PCSK5: variants seen among roughly 807,000 people sequenced by gnomAD.
PCSK5 encodes prohormone convertase 5.
PCSK5 carries 129 observed loss-of-function variants against 233.2 expected under a neutral mutation model. That is an observed-to-expected ratio of 0.55 (90% CI 0.48 to 0.64). The LOEUF (loss-of-function observed/expected upper bound fraction) is 0.64. PCSK5 is among the 30% of genes least tolerant of loss of function. The pLI is 0.00. For missense variants in PCSK5, 2,076 were observed against 2,430.1 expected (o/e 0.85, Z 3.06); for synonymous variants, 825 against 879.2 (o/e 0.94, Z 1.09).
chr9:76,331,646 G>A (rs989637554), intron 33 of PCSK5, among the ~76,000 whole-genome samples: 3 of 145,206 alleles, frequency 2.1e-5, no homozygotes, highest in Non-Finnish European at 3.0e-5. Context: ...CAGCCTGGGC[G>A]ACAGAGTGAG....
At chr9:76,325,643 T>C (rs1048163428) in intron 32 of PCSK5, among the ~76,000 whole-genome samples, 3 of 151,368 alleles carry the variant, frequency 2.0e-5, no homozygotes, top group Admixed American at 6.6e-5. Context: ...CATTGCACTT[T>C]CTTTTTTTTG....
intron 24 of PCSK5, among the ~76,000 whole-genome samples, chr9:76,273,665 C>T (rs2131376674): frequency 6.7e-6 from 1 of 149,526 alleles, no homozygotes; most frequent in South Asian, 2.1e-4. Context: ...GACAGTATAT[C>T]TCTGTCACCC....
intron 9 of PCSK5, among the ~76,000 whole-genome samples, chr9:76,126,773 G>A (rs1360551311): frequency 1.3e-5 from 2 of 152,162 alleles, no homozygotes; most frequent in African/African-American, 4.8e-5. Context: ...GATGGACAAT[G>A]GAGGATGAGA....
At chr9:76,262,665 A>G (rs1827215020) in intron 24 of PCSK5, among the ~76,000 whole-genome samples, 1 of 151,758 alleles carries the variant, frequency 6.6e-6, no homozygotes, top group Non-Finnish European at 1.5e-5. Context: ...ACCTAAAACC[A>G]CAAAAACCCT....
chr9:75,896,368 C>T (rs533749674), intron 1 of PCSK5, among the ~76,000 whole-genome samples: 2 of 152,298 alleles, frequency 1.3e-5, no homozygotes, highest in South Asian at 4.1e-4. Flanking sequence ...CACTGTCTTT[C>T]ATGGGCTTAC....
At chr9:76,330,683 T>C (rs1455365438) in intron 33 of PCSK5, among the ~76,000 whole-genome samples, 1 of 152,148 alleles carries the variant, frequency 6.6e-6, no homozygotes, top group East Asian at 1.9e-4. Flanking sequence ...CTCTTCATAT[T>C]GAGCGAGGAC....
intron 2 of PCSK5, among the ~76,000 whole-genome samples, chr9:75,969,643 A>G (rs867254910): frequency 7.2e-5 from 11 of 152,238 alleles, no homozygotes; most frequent in Middle Eastern, 6.8e-3. Flanking sequence ...AAAAGAAGCA[A>G]GCTTGTTGGT....
chr9:76,164,809 A>C (rs1458777610), intron 12 of PCSK5, among the ~76,000 whole-genome samples: 1 of 152,220 alleles, frequency 6.6e-6, no homozygotes, highest in Non-Finnish European at 1.5e-5. Context: ...CAGATATTTC[A>C]ATAAAAGCCA....
chr9:76,239,113 C>G lies in PCSK5; in HGVS notation c.3021C>G (p.Gly1007=). 1 of 1,603,516 alleles carries G rather than the reference C, an allele frequency of 6.2e-7. No individual in the cohort carries two copies. Among genetic ancestry groups the G allele is most frequent in the Non-Finnish European group, 8.5e-7 (1 of 1,175,482 alleles). Residue 1007 remains glycine, a synonymous_variant, in exon 23 of 38, where the codon GGC becomes GGG. Transcript: ENST00000674117. ...ATGTCTGCACAAGATGCATGAAGGG[C>G]TACTTCATAGCGCCCACCAACCACA... is the stretch of plus-strand genomic sequence containing the variant. The part of the protein sequence containing the change: ...SVHVCTRCMK[G]YFIAPTNHTC...
chr9:76,064,001 C>CG lies in PCSK5; in HGVS notation c.633-3948dup, dbSNP rs775432321. 2.1e-3 allele frequency among the ~76,000 whole-genome samples: 169 copies of CG among 78,866 alleles called. 1 individual carries two copies. The highest frequency in any genetic ancestry group is 3.0e-3 in the Non-Finnish European group (125 of 41,806). The allele number at this position is 78,866 out of a possible 152,430, so 51.7% of individuals were successfully genotyped here. A position where few individuals can be genotyped will look rare whatever the true frequency, so the allele number is the denominator to read the frequency against. ...CTCCCGGACAGGGCGGCTGGCCGGG[C>CG]GGGGGGCTGACCCCCCCACCTCCCT... On this transcript the variant is annotated intron_variant, in intron 5 of 37. Transcript: ENST00000674117.
Position 76,214,310 on chromosome 9 carries a change from GCACA to G in PCSK5, c.2627-13182_2627-13179del, listed in dbSNP as rs1025904495. Among the ~76,000 whole-genome samples the G allele has an allele frequency of 2.0e-5, 3 of 150,972 alleles. No homozygotes were observed. The East Asian group carries it at 5.8e-4, about 29-fold the overall frequency. On this transcript the variant is annotated intron_variant, in intron 20 of 37. Coordinates refer to ENST00000674117, the MANE Select transcript of PCSK5 (RefSeq NM_001372043.1). ...CACATTCACTCACACACACACACGT[GCACA>G]CACACACACATATGTGTGTGTGCAC... is the stretch of plus-strand genomic sequence containing the variant.
intron 20 of PCSK5, among the ~76,000 whole-genome samples, chr9:76,224,419 G>GA (rs935223157): frequency 1.5e-4 from 22 of 148,730 alleles, no homozygotes; most frequent in Middle Eastern, 3.5e-3. Flanking sequence ...TTGACATTGA[G>GA]AAAAAAAAAA....
chr9:76,053,813 C>T (rs181371024), intron 5 of PCSK5, among the ~76,000 whole-genome samples: 35 of 152,298 alleles, frequency 2.3e-4, no homozygotes, highest in African/African-American at 7.9e-4. Flanking sequence ...AGTTCCAAAC[C>T]TCTGCCTGTT....
intron 33 of PCSK5, among the ~76,000 whole-genome samples, chr9:76,329,822 G>C (rs1251788526): frequency 1.3e-5 from 2 of 152,002 alleles, no homozygotes; most frequent in East Asian, 3.9e-4. Flanking sequence ...AACAGAGCAA[G>C]ACTCTATCTC....
At position 75,895,664 on chromosome 9, in the gene PCSK5, T is replaced by G. The variant is rs533786509; in HGVS notation, c.192+4291T>G. On this transcript the variant is annotated intron_variant, in intron 1 of 37. Coordinates refer to ENST00000674117, the MANE Select transcript of PCSK5 (RefSeq NM_001372043.1). The stretch of plus-strand genomic sequence containing the variant: ...ATGAAATGTTACAGGATAAGCATAC[T>G]GCGGATGGACAAAAGGGAGGAAAAA... Among the ~76,000 whole-genome samples, 13 of 152,342 alleles carry G rather than the reference T, an allele frequency of 8.5e-5. No homozygotes were observed. The East Asian group carries it at 2.3e-3, about 27-fold the overall frequency.
chr9:76,173,401 T>TATGTTTGTA (rs1236149884), intron 13 of PCSK5, among the ~76,000 whole-genome samples: 2 of 151,700 alleles, frequency 1.3e-5, no homozygotes, highest in Non-Finnish European at 2.9e-5. Flanking sequence ...AGCATATGCC[T>TATGTTTGTA]ATGTTTGTAA....
At chr9:76,164,799 CAG>C (rs1823025146) in intron 12 of PCSK5, among the ~76,000 whole-genome samples, 2 of 152,126 alleles carry the variant, frequency 1.3e-5, no homozygotes, top group Admixed American at 6.5e-5. Context: ...TAATATAAAA[CAG>C]ATATTTCAAT....
intron 24 of PCSK5, among the ~76,000 whole-genome samples, chr9:76,272,430 C>T (rs748921890): frequency 8.6e-5 from 13 of 152,010 alleles, no homozygotes; most frequent in African/African-American, 2.4e-4. Flanking sequence ...GTAAACCTGA[C>T]GGTGACAACT....
intron 2 of PCSK5, among the ~76,000 whole-genome samples, chr9:75,935,511 G>A (rs75091696): frequency 0.045 from 6,866 of 151,948 alleles, 229 homozygotes; most frequent in African/African-American, 0.086. Flanking sequence ...TTTTATAACC[G>A]TAAGTATAAC....
Sources: allele counts gnomAD v4.1 joint callset (sites outside exome capture counted in the v4.1 genomes callset), GRCh38; gene constraint gnomAD v4.1.1; transcripts MANE v1.5; gene names NCBI Gene and HGNC (gene_info 2026-07-23, HGNC 2026-07-21).